Variants in CALD1 observed in about 807,000 individuals in gnomAD.
CALD1 encodes caldesmon.
CALD1 carries 33 observed loss-of-function variants against 99.9 expected under a neutral mutation model. That is an observed-to-expected ratio of 0.33 (90% CI 0.25 to 0.44). The LOEUF (loss-of-function observed/expected upper bound fraction) is 0.44. Ranked by LOEUF, CALD1 falls within the 20% of genes least tolerant of loss-of-function variation. The pLI is 1.00. For synonymous variants in CALD1, 310 were observed against 325.0 expected, an observed-to-expected ratio of 0.95 and a Z score of 0.50; for missense variants, 861 against 962.1, an observed-to-expected ratio of 0.89 and a Z score of 1.39.
intron 3 of CALD1, among the ~76,000 whole-genome samples, chr7:134,914,606 G>A (rs191810596): frequency 6.5e-4 from 99 of 152,242 alleles, no homozygotes; most frequent in African/African-American, 2.2e-3. Flanking sequence ...CACGATTGGC[G>A]CCTCACTAAT....
chr7:134,874,114 A>G (rs1384119975), intron 3 of CALD1, among the ~76,000 whole-genome samples: 1 of 152,124 alleles, frequency 6.6e-6, no homozygotes, highest in Non-Finnish European at 1.5e-5. Flanking sequence ...GCACCAGTTT[A>G]AGTTATTTTT....
the CALD1 span, among the ~76,000 whole-genome samples, chr7:134,735,879 C>A: frequency 6.6e-6 from 1 of 152,102 alleles, no homozygotes. Flanking sequence ...TAAACACTAT[C>A]CTATGCAGAA....
At chr7:134,807,202 G>A (rs1798176161) in intron 1 of CALD1, among the ~76,000 whole-genome samples, 1 of 152,106 alleles carries the variant, frequency 6.6e-6, no homozygotes, top group African/African-American at 2.4e-5. Context: ...TGGAAATATT[G>A]CTCCTTGAGG....
chr7:134,763,456 G>C (rs1404406406), intron 1 of CALD1, among the ~76,000 whole-genome samples: 1 of 152,088 alleles, frequency 6.6e-6, no homozygotes, highest in East Asian at 1.9e-4. Flanking sequence ...CTAAAGAGGG[G>C]CAATTTATCA....
At chr7:134,803,134 T>C (rs571491164) in intron 1 of CALD1, among the ~76,000 whole-genome samples, 3 of 152,330 alleles carry the variant, frequency 2.0e-5, no homozygotes, top group East Asian at 1.9e-4. Context: ...ATTTGTCTAA[T>C]GACAAATGAT....
At chr7:134,874,165 CT>C (rs1175411441) in intron 3 of CALD1, among the ~76,000 whole-genome samples, 4 of 151,428 alleles carry the variant, frequency 2.6e-5, no homozygotes, top group African/African-American at 4.9e-5. Flanking sequence ...GGTGTATTTT[CT>C]TTTTTTCTTT....
intron 13 of CALD1, among the ~76,000 whole-genome samples, chr7:134,964,282 C>T (rs1175116394): frequency 1.3e-5 from 2 of 152,108 alleles, no homozygotes; most frequent in African/African-American, 4.8e-5. Flanking sequence ...AAGTTGTTTA[C>T]GTGGAGGTGA....
chr7:134,718,782 T>G, the CALD1 span, among the ~76,000 whole-genome samples: 71 of 152,308 alleles, frequency 4.7e-4, 1 homozygote, highest in African/African-American at 1.7e-3. Context: ...TACTGGTTGC[T>G]AGTTTTCAAG....
chr7:134,751,348 A>G (rs6973872), intron 1 of CALD1, among the ~76,000 whole-genome samples: 2 of 152,014 alleles, frequency 1.3e-5, no homozygotes, highest in African/African-American at 2.4e-5. Flanking sequence ...TCTGTCTTCC[A>G]ATATTTTGGG....
chr7:134,849,433 G>C (rs6962081), intron 2 of CALD1, among the ~76,000 whole-genome samples: 1 of 152,008 alleles, frequency 6.6e-6, no homozygotes, highest in South Asian at 2.1e-4. Flanking sequence ...CTGATGCTCA[G>C]TTCCCTGATA....
intron 1 of CALD1, chr7:134,821,992 A>G (rs934204565): frequency 2.6e-5 from 4 of 152,116 alleles, no homozygotes; most frequent in African/African-American, 9.7e-5. Context: ...AAGGTTTAAC[A>G]ATTAATTCTT....
chr7:134,956,423 G>C (rs1479053184), intron 9 of CALD1, among the ~76,000 whole-genome samples: 2 of 152,188 alleles, frequency 1.3e-5, no homozygotes, highest in African/African-American at 4.8e-5. Context: ...TAGGTCATGA[G>C]GGTGGAGGCC....
upstream of CALD1, among the ~76,000 whole-genome samples, chr7:134,778,062 G>A (rs1163944064): frequency 6.6e-6 from 1 of 152,174 alleles, no homozygotes; most frequent in Non-Finnish European, 1.5e-5. Context: ...CTCTGGGAAA[G>A]TGCATTCCTC....
intron 3 of CALD1, among the ~76,000 whole-genome samples, chr7:134,919,715 T>C (rs1804472594): frequency 6.6e-6 from 1 of 152,144 alleles, no homozygotes; most frequent in Non-Finnish European, 1.5e-5. Flanking sequence ...ATATATCCCC[T>C]TGCATGCTCT....
chr7:134,791,417 C>T (rs941596487), intron 1 of CALD1, among the ~76,000 whole-genome samples: 4 of 152,052 alleles, frequency 2.6e-5, no homozygotes, highest in East Asian at 3.9e-4. Context: ...AGGCTGGTCT[C>T]GAACTCCTGA....
At chr7:134,893,292 C>T (rs1180864372) in intron 3 of CALD1, among the ~76,000 whole-genome samples, 1 of 152,148 alleles carries the variant, frequency 6.6e-6, no homozygotes, top group Non-Finnish European at 1.5e-5. Flanking sequence ...CCTACAGCCC[C>T]CACCTATGAA....
At chr7:134,818,495 T>C (rs980929600) in intron 1 of CALD1, among the ~76,000 whole-genome samples, 3 of 152,192 alleles carry the variant, frequency 2.0e-5, no homozygotes, top group African/African-American at 7.2e-5. Context: ...CAGTGTTTAT[T>C]CGGCGGAGGT....
At chr7:134,960,709 A>G (rs1808200709) in intron 13 of CALD1, 81 bp downstream of exon 13, 2 of 842,992 alleles carry the variant, frequency 2.4e-6, no homozygotes, top group South Asian at 2.9e-5. Flanking sequence ...TGGTCTGTTT[A>G]CCTAGGAATG....
intron 7 of CALD1, 105 bp from the exon 8 acceptor site, chr7:134,947,403 G>A: frequency 8.6e-7 from 1 of 1,168,598 alleles, no homozygotes; most frequent in Non-Finnish European, 1.2e-6. Context: ...GAGAGGCAGT[G>A]GGTATTTAGT....
Sources: allele counts gnomAD v4.1 joint callset (sites outside exome capture counted in the v4.1 genomes callset), GRCh38; gene constraint gnomAD v4.1.1; transcripts MANE v1.5; gene names NCBI Gene and HGNC (gene_info 2026-07-23, HGNC 2026-07-21).